Variants in DCDC1 observed in about 807,000 individuals in gnomAD.
DCDC1 encodes doublecortin domain containing 1.
A neutral mutation model predicts 178.3 loss-of-function variants in DCDC1; 200 were observed. The observed-to-expected ratio is 1.12, with a 90% CI of 1.00 to 1.26. DCDC1 has a LOEUF of 1.26. DCDC1 is among the 50% of genes most tolerant of loss of function. The pLI is 0.00. For synonymous variants in DCDC1, 690 were observed against 604.8 expected, an observed-to-expected ratio of 1.14 and a Z score of -2.07; for missense variants, 1,983 against 1,749.2, an observed-to-expected ratio of 1.13 and a Z score of -2.38.
intron 11 of DCDC1, among the ~76,000 whole-genome samples, chr11:31,111,833 G>A (rs1350108451): frequency 6.6e-6 from 1 of 152,122 alleles, no homozygotes; most frequent in Non-Finnish European, 1.5e-5. Context: ...GTCGAGACTT[G>A]CTAGACATGG....
chr11:31,236,380 A>G (rs944495470), intron 9 of DCDC1, among the ~76,000 whole-genome samples: 2 of 152,036 alleles, frequency 1.3e-5, no homozygotes, highest in Non-Finnish European at 2.9e-5. Flanking sequence ...TTATTGAAGC[A>G]TTTTATTGAT....
chr11:30,925,960 G>C (rs1333771545), intron 22 of DCDC1, among the ~76,000 whole-genome samples: 1 of 152,072 alleles, frequency 6.6e-6, no homozygotes, highest in Admixed American at 6.5e-5. Flanking sequence ...ACTGAACACT[G>C]ATTTCCCACT....
intron 21 of DCDC1, among the ~76,000 whole-genome samples, chr11:30,948,950 G>T (rs902007924): frequency 6.6e-6 from 1 of 152,268 alleles, no homozygotes; most frequent in South Asian, 2.1e-4. Context: ...CATGGGAAAA[G>T]ACTTCATGAC....
chr11:30,896,618 A>T (rs1455385266), intron 34 of DCDC1, among the ~76,000 whole-genome samples: 1 of 152,172 alleles, frequency 6.6e-6, no homozygotes, highest in Non-Finnish European at 1.5e-5. Context: ...ATGCTCCAAC[A>T]TTGCCTTTAC....
chr11:31,239,393 G>T (rs1976837129), intron 9 of DCDC1, among the ~76,000 whole-genome samples: 1 of 151,984 alleles, frequency 6.6e-6, no homozygotes. Flanking sequence ...TTAAGGGTAT[G>T]ACTACAGGGA....
chr11:31,087,131 G>A (rs962001091), intron 17 of DCDC1, among the ~76,000 whole-genome samples: 1 of 151,940 alleles, frequency 6.6e-6, no homozygotes, highest in Non-Finnish European at 1.5e-5. Context: ...TAAGGGAATT[G>A]GTCTTTACCA....
At chr11:30,878,754 G>C in intron 37 of DCDC1, 43 bp from the exon 38 acceptor site, 5 of 1,516,958 alleles carry the variant, frequency 3.3e-6, no homozygotes, top group Non-Finnish European at 3.5e-6. Flanking sequence ...ACAAGTCAAT[G>C]TTATAGAAAA....
At chr11:31,282,253 A>G (rs1451662215) in intron 7 of DCDC1, among the ~76,000 whole-genome samples, 1 of 151,982 alleles carries the variant, frequency 6.6e-6, no homozygotes, top group Non-Finnish European at 1.5e-5. Flanking sequence ...TATTTAATAC[A>G]TAGAGAGATT....
chr11:31,071,307 T>A (rs892946695), intron 18 of DCDC1, among the ~76,000 whole-genome samples: 3 of 152,198 alleles, frequency 2.0e-5, no homozygotes, highest in Non-Finnish European at 4.4e-5. Context: ...CTGTTTTCAA[T>A]ATTCACCATT....
At chr11:31,045,328 G>A (rs902319084) in intron 20 of DCDC1, among the ~76,000 whole-genome samples, 3 of 151,680 alleles carry the variant, frequency 2.0e-5, no homozygotes, top group Admixed American at 1.3e-4. Flanking sequence ...TACACGTGAC[G>A]GAGGGCAAAA....
At chr11:31,295,266 GCT>G (rs1170614542) in intron 6 of DCDC1, among the ~76,000 whole-genome samples, 5 of 151,934 alleles carry the variant, frequency 3.3e-5, no homozygotes, top group Non-Finnish European at 7.4e-5. Flanking sequence ...ATTTTTTATA[GCT>G]CTTTTTTTCT....
intron 1 of DCDC1, among the ~76,000 whole-genome samples, chr11:31,364,739 C>T (rs970232109): frequency 6.6e-6 from 1 of 151,704 alleles, no homozygotes; most frequent in Non-Finnish European, 1.5e-5. Flanking sequence ...GTTAAGACAA[C>T]CAACAAAGGG....
In DCDC1 at chr11:31,063,068, T is replaced by G. The variant is rs899080573; in HGVS notation, c.2591+1401A>C. Among the ~76,000 whole-genome samples, 4 of 149,890 alleles carry G rather than the reference T, an allele frequency of 2.7e-5. No homozygotes were observed. The South Asian group carries it at 6.3e-4, about 24-fold the overall frequency. ...TATGAACAGACACTTCTCAAAAGAA[T>G]ACATTTATGCAGCCAAAAAACACAT... On this transcript the variant is annotated intron_variant, in intron 20 of 38. Coordinates refer to ENST00000684477, the MANE Select transcript of DCDC1 (RefSeq NM_001387274.1).
chr11:31,138,433 C>T (rs567332383), intron 9 of DCDC1, among the ~76,000 whole-genome samples: 1 of 152,250 alleles, frequency 6.6e-6, no homozygotes, highest in South Asian at 2.1e-4. Flanking sequence ...TCATGCTAAA[C>T]ATGCAATTGT....
At chr11:31,275,897 C>T (rs1309234137) in intron 7 of DCDC1, among the ~76,000 whole-genome samples, 1 of 152,202 alleles carries the variant, frequency 6.6e-6, no homozygotes, top group South Asian at 2.1e-4. Flanking sequence ...TAAGCAGGGG[C>T]TTCTGGGAAA....
chr11:31,114,482 G>T (rs904630134), intron 11 of DCDC1, among the ~76,000 whole-genome samples: 1 of 152,126 alleles, frequency 6.6e-6, no homozygotes, highest in Non-Finnish European at 1.5e-5. Flanking sequence ...TGTGATGGAT[G>T]TGCTGGTCAT....
chr11:31,034,931 T>A (rs1953926244), intron 20 of DCDC1, among the ~76,000 whole-genome samples: 1 of 152,190 alleles, frequency 6.6e-6, no homozygotes, highest in African/African-American at 2.4e-5. Flanking sequence ...ACCTTGGTAG[T>A]GTTTGGTGAA....
chr11:30,878,639 T>C lies in DCDC1; in HGVS notation c.5306A>G (p.Asp1769Gly). The C allele has an allele frequency of 6.2e-7, 1 of 1,612,068 alleles. No individual in the cohort carries two copies. Among genetic ancestry groups the C allele is most frequent in the Non-Finnish European group, 8.5e-7 (1 of 1,179,028 alleles). Reference sequence around the variant, plus strand: ...CTTCGTGGATGGTGACACCACAATGTCTGTGGCTTGAGGGCCCTGCTGCCT... The same window carrying C: ...CTTCGTGGATGGTGACACCACAATGCCTGTGGCTTGAGGGCCCTGCTGCCT... ...IRRQQGPQAT[D>G]IVVSPSTKLL... is the part of the protein sequence containing the mutation. Residue 1769 changes from aspartate to glycine, a missense_variant, in exon 38 of 39, where the codon GAC (aspartate) becomes GGC (glycine). Physicochemically the swap from Asp to Gly is moderately conservative, Grantham distance 94. Coordinates refer to ENST00000684477, the MANE Select transcript of DCDC1 (RefSeq NM_001387274.1).
chr11:31,217,696 G>A (rs1275645124), intron 9 of DCDC1, among the ~76,000 whole-genome samples: 2 of 151,958 alleles, frequency 1.3e-5, no homozygotes, highest in African/African-American at 2.4e-5. Context: ...TGAAAGACAG[G>A]ATATTTTAAA....
Sources: allele counts gnomAD v4.1 joint callset (sites outside exome capture counted in the v4.1 genomes callset), GRCh38; gene constraint gnomAD v4.1.1; transcripts MANE v1.5; gene names NCBI Gene and HGNC (gene_info 2026-07-23, HGNC 2026-07-21).